EPHA3: variants seen among roughly 807,000 people sequenced by gnomAD.
EPHA3 encodes the protein EPH receptor A3.
A neutral mutation model predicts 107.1 loss-of-function variants in EPHA3; 42 were observed. The ratio of observed to expected loss-of-function variants is 0.39; its 90% CI spans 0.31 to 0.51. EPHA3 has a LOEUF of 0.51. Ranked by LOEUF, EPHA3 falls within the 20% of genes least tolerant of loss-of-function variation. EPHA3 has a pLI of 0.78. For synonymous variants in EPHA3, 461 were observed against 424.8 expected (o/e 1.09, Z -1.05); for missense variants, 1,183 against 1,211.2 (o/e 0.98, Z 0.35).
intron 7 of EPHA3, among the ~76,000 whole-genome samples, chr3:89,401,861 C>T (rs1377529527): frequency 6.6e-6 from 1 of 152,124 alleles, no homozygotes; most frequent in African/African-American, 2.4e-5. Flanking sequence ...ATCCACCCAC[C>T]TCAGCCTCCC....
At chr3:89,200,048 T>C (rs574137699) in intron 2 of EPHA3, among the ~76,000 whole-genome samples, 3 of 152,250 alleles carry the variant, frequency 2.0e-5, no homozygotes, top group East Asian at 1.9e-4. Flanking sequence ...GTGTTTTATA[T>C]AAAATAACAG....
At chr3:89,418,380 A>G (rs1709292258) in intron 10 of EPHA3, among the ~76,000 whole-genome samples, 1 of 151,380 alleles carries the variant, frequency 6.6e-6, no homozygotes, top group Non-Finnish European at 1.5e-5. Context: ...TATCTGCTCT[A>G]AGTGAGCTCC....
intron 13 of EPHA3, among the ~76,000 whole-genome samples, chr3:89,438,123 T>G (rs967077839): frequency 1.4e-4 from 22 of 152,186 alleles, no homozygotes; most frequent in Admixed American, 2.0e-4. Flanking sequence ...GTTTTGTTTT[T>G]TTTGAGATGG....
chr3:89,276,384 A>G lies in EPHA3; in HGVS notation c.815-64532A>G, dbSNP rs556660748. 5.9e-5 allele frequency among the ~76,000 whole-genome samples: 9 copies of G among 152,178 alleles called. No individual in the cohort carries two copies. In the South Asian group the frequency reaches 1.9e-3, roughly 32 times the overall value. The stretch of plus-strand genomic sequence containing the variant: ...TATTGATCAAACCTGTCACTAGCAA[A>G]TTCTTTAAACTGGATACATTTTGAT... On this transcript the variant is annotated intron_variant, in intron 3 of 16. Transcript: ENST00000336596.
At chr3:89,217,541 G>A (rs1297498724) in intron 3 of EPHA3, among the ~76,000 whole-genome samples, 1 of 152,128 alleles carries the variant, frequency 6.6e-6, no homozygotes, top group African/African-American at 2.4e-5. Flanking sequence ...GATTCATTCT[G>A]TGAGAAGAGA....
At position 89,431,145 on chromosome 3, in the gene EPHA3, C is replaced by G. The variant is rs751057589; in HGVS notation, c.2137-5C>G. 6 of 1,612,264 alleles carry G rather than the reference C, an allele frequency of 3.7e-6. No individual in the cohort carries two copies. Among genetic ancestry groups the G allele is most frequent in the Non-Finnish European group, 5.1e-6 (6 of 1,179,370 alleles). Reference sequence around the variant, plus strand: ...TCTTAATTGTACATTTGAAATGCTTCCCAGAAACACGATGCCCAGTTTACT... The same window carrying G: ...TCTTAATTGTACATTTGAAATGCTTGCCAGAAACACGATGCCCAGTTTACT... On this transcript the variant is annotated splice_polypyrimidine_tract_variant and splice_region_variant and intron_variant, in intron 12 of 16. Transcript: ENST00000336596.
intron 16 of EPHA3, among the ~76,000 whole-genome samples, chr3:89,477,704 T>A (rs1442020045): frequency 6.6e-6 from 1 of 152,146 alleles, no homozygotes; most frequent in Non-Finnish European, 1.5e-5. Flanking sequence ...TGACAAATGA[T>A]ACTTTACGCC....
intron 3 of EPHA3, among the ~76,000 whole-genome samples, chr3:89,233,379 T>C (rs766271120): frequency 2.0e-5 from 3 of 152,192 alleles, no homozygotes; most frequent in Non-Finnish European, 4.4e-5. Flanking sequence ...ATTGAACTAG[T>C]GTGCGTAAAT....
At chr3:89,295,571 T>C (rs1450956469) in intron 3 of EPHA3, among the ~76,000 whole-genome samples, 3 of 152,126 alleles carry the variant, frequency 2.0e-5, no homozygotes, top group Non-Finnish European at 4.4e-5. Context: ...ATATTCTAAA[T>C]CCTTTGTTAT....
intron 3 of EPHA3, among the ~76,000 whole-genome samples, chr3:89,275,212 G>A (rs1705777597): frequency 6.6e-6 from 1 of 151,956 alleles, no homozygotes. Flanking sequence ...GACAGTCCTT[G>A]CGGGAGCAAT....
chr3:89,263,494 G>T (rs192521972), intron 3 of EPHA3, among the ~76,000 whole-genome samples: 1 of 152,120 alleles, frequency 6.6e-6, no homozygotes, highest in African/African-American at 2.4e-5. Flanking sequence ...GGATTTTATC[G>T]CTGGCGAAAG....
At chr3:89,300,067 A>G (rs776729567) in intron 3 of EPHA3, among the ~76,000 whole-genome samples, 1 of 152,076 alleles carries the variant, frequency 6.6e-6, no homozygotes, top group Non-Finnish European at 1.5e-5. Context: ...AGTACTTACC[A>G]GGACTTGATT....
intron 3 of EPHA3, among the ~76,000 whole-genome samples, chr3:89,249,695 A>C (rs1330767978): frequency 6.6e-6 from 1 of 152,152 alleles, no homozygotes; most frequent in Non-Finnish European, 1.5e-5. Flanking sequence ...TCCTGAGTAC[A>C]AGCAATCTGC....
chr3:89,158,520 A>T (rs1704854603), intron 2 of EPHA3, among the ~76,000 whole-genome samples: 1 of 152,164 alleles, frequency 6.6e-6, no homozygotes, highest in Admixed American at 6.6e-5. Context: ...ATGTATTATT[A>T]CAAAAAATGT....
intron 5 of EPHA3, among the ~76,000 whole-genome samples, chr3:89,385,718 G>C (rs1340911271): frequency 1.3e-5 from 2 of 152,172 alleles, no homozygotes; most frequent in African/African-American, 4.8e-5. Context: ...TAGGAACTGG[G>C]AAACAGGCTA....
At chr3:89,439,005 A>G (rs756980552) in intron 13 of EPHA3, among the ~76,000 whole-genome samples, 2 of 152,218 alleles carry the variant, frequency 1.3e-5, no homozygotes, top group Non-Finnish European at 2.9e-5. Flanking sequence ...AGTGGAACAC[A>G]GGAGCACACA....
intron 3 of EPHA3, among the ~76,000 whole-genome samples, chr3:89,303,347 A>G (rs1443787874): frequency 1.3e-5 from 2 of 151,272 alleles, no homozygotes; most frequent in Non-Finnish European, 2.9e-5. Context: ...AAAAGCTTCT[A>G]TCCCAGCACC....
chr3:89,133,579 C>T (rs1251352151), intron 2 of EPHA3, among the ~76,000 whole-genome samples: 1 of 152,100 alleles, frequency 6.6e-6, no homozygotes, highest in Admixed American at 6.6e-5. Flanking sequence ...AAGTGGTAGT[C>T]GGTTGGCGAG....
rs867316409 is a variant in EPHA3 at position 89,160,587 on chromosome 3, T to G, written c.153+33314T>G. 8.9e-5 allele frequency among the ~76,000 whole-genome samples: 12 copies of G among 135,062 alleles called. 1 individual carries two copies. The highest frequency in any genetic ancestry group is 1.6e-4 in the Non-Finnish European group (10 of 63,552). 88.6% of individuals were successfully genotyped at this position (135,062 alleles called of 152,430 possible). A position where few individuals can be genotyped will look rare whatever the true frequency, so the allele number is the denominator to read the frequency against. ...GTGTGTGTGTGTGTGTGTGTGTGTG[T>G]GTGCGCGCATTCTTTTTCTGTGTGT... On this transcript the variant is annotated intron_variant, in intron 2 of 16. Transcript: ENST00000336596.
Sources: gnomAD v4.1 joint callset for allele counts (sites outside exome capture counted in the v4.1 genomes callset) on GRCh38, gnomAD v4.1.1 for gene constraint, MANE v1.5 for transcripts, NCBI Gene and HGNC (gene_info 2026-07-23, HGNC 2026-07-21) for gene names.